The following PTPRN2 variants were observed in gnomAD, a reference collection of about 807,000 sequenced individuals.
PTPRN2 encodes protein tyrosine phosphatase receptor type N2.
Under a neutral mutation model 118.8 loss-of-function variants are expected in PTPRN2, and 74 were observed. That is an observed-to-expected ratio of 0.62 (90% CI 0.52 to 0.76). The LOEUF (loss-of-function observed/expected upper bound fraction) is 0.76, where lower values mean the gene tolerates loss of function less well. Ranked by LOEUF, PTPRN2 falls within the 30% of genes least tolerant of loss-of-function variation. The probability of loss-of-function intolerance (pLI) is 0.00; values close to 1 mark genes in which losing one functional copy is unlikely to be tolerated. For synonymous variants in PTPRN2, 641 were observed against 608.0 expected (o/e 1.05, Z -0.80); for missense variants, 1,481 against 1,394.4 (o/e 1.06, Z -0.99).
intron 10 of PTPRN2, among the ~76,000 whole-genome samples, chr7:158,105,694 C>G (rs1250182833): frequency 6.6e-6 from 1 of 152,108 alleles, no homozygotes; most frequent in Admixed American, 6.5e-5. Context: ...TCCATCCCAG[C>G]TCCACCTCAT....
At chr7:158,052,834 G>A (rs1258495099) in intron 11 of PTPRN2, among the ~76,000 whole-genome samples, 5 of 152,174 alleles carry the variant, frequency 3.3e-5, no homozygotes, top group Non-Finnish European at 7.4e-5. Flanking sequence ...CCAGCCACTC[G>A]GGGTCCACCA....
chr7:158,298,231 CTT>C (rs1209603576), intron 3 of PTPRN2, among the ~76,000 whole-genome samples: 6 of 151,992 alleles, frequency 3.9e-5, no homozygotes, highest in Non-Finnish European at 7.4e-5. Flanking sequence ...ATTTTCTGCT[CTT>C]GTCTTCATTA....
rs1018490069 is a variant in PTPRN2 at position 157,607,888 on chromosome 7, G to A, written c.2345-3813C>T. Reference sequence around the variant, plus strand: ...TGCCATGGGCACCTGAGCCCTGCTGGCAAGTGGACAATCCATGGGCTTCTT... The same window carrying A: ...TGCCATGGGCACCTGAGCCCTGCTGACAAGTGGACAATCCATGGGCTTCTT... On this transcript the variant is annotated intron_variant, in intron 15 of 22. Transcript: ENST00000389418. Among the ~76,000 whole-genome samples, 24 of 152,136 alleles carry A rather than the reference G, an allele frequency of 1.6e-4. 1 individual carries two copies.
intron 10 of PTPRN2, among the ~76,000 whole-genome samples, chr7:158,108,962 G>A (rs1242046518): frequency 6.6e-6 from 1 of 152,234 alleles, no homozygotes; most frequent in East Asian, 1.9e-4. Flanking sequence ...GAAGGAGCCA[G>A]TGAGTGAATG....
At chr7:158,271,896 G>C (rs1489725036) in intron 3 of PTPRN2, among the ~76,000 whole-genome samples, 1 of 149,662 alleles carries the variant, frequency 6.7e-6, no homozygotes. Context: ...CCTTGGGTGA[G>C]GATTTCCATG....
chr7:158,301,229 C>A (rs1800865143), intron 3 of PTPRN2, among the ~76,000 whole-genome samples: 1 of 152,286 alleles, frequency 6.6e-6, no homozygotes, highest in Non-Finnish European at 1.5e-5. Flanking sequence ...TTTGCACGGG[C>A]CGTGCAAATT....
In PTPRN2 at chr7:158,192,490, G is replaced by A. The variant is rs1825853801; in HGVS notation, c.386C>T (p.Ser129Leu). The A allele has an allele frequency of 6.3e-7, 1 of 1,581,018 alleles. No homozygotes were observed. Among genetic ancestry groups the A allele is most frequent in the East Asian group, 2.4e-5 (1 of 41,696 alleles). Residue 129 changes from serine to leucine, a missense_variant, in exon 5 of 23, where the codon TCA (serine) becomes TTA (leucine). Ser to Leu is a moderately radical substitution (Grantham distance 145). Coordinates refer to ENST00000389418, the MANE Select transcript of PTPRN2 (RefSeq NM_002847.5). ...CCTCTCGCTGCCAACGCTGTGTTTT[G>A]AGGGCCTGAAAAAGCAAAAGAAACC... ...RPEASSPARP[S>L]KHSVGSERRY...
chr7:158,081,230 G>GT, intron 11 of PTPRN2, 68 bp downstream of exon 11: 1 of 1,423,150 alleles, frequency 7.0e-7, no homozygotes. Context: ...GTGCATGTGC[G>GT]TGTTTGCGTG....
intron 10 of PTPRN2, among the ~76,000 whole-genome samples, chr7:158,088,089 A>G (rs866566308): frequency 2.6e-4 from 17 of 65,522 alleles, no homozygotes; most frequent in Non-Finnish European, 5.5e-4. Flanking sequence ...CCCTGATGAA[A>G]GAGGGAGTCT....
At chr7:158,423,666 T>C (rs949561640) in intron 2 of PTPRN2, among the ~76,000 whole-genome samples, 2 of 152,070 alleles carry the variant, frequency 1.3e-5, no homozygotes, top group Non-Finnish European at 2.9e-5. Context: ...CCTGAGTAGC[T>C]GAGATTACTA....
At chr7:158,340,411 C>G (rs867143268) in intron 2 of PTPRN2, among the ~76,000 whole-genome samples, 7 of 54,390 alleles carry the variant, frequency 1.3e-4, no homozygotes, top group Non-Finnish European at 2.1e-4. Flanking sequence ...CACCCGCAGA[C>G]GTCACTCACA....
chr7:157,573,684 C>A (rs1799871855), intron 19 of PTPRN2, among the ~76,000 whole-genome samples: 1 of 152,218 alleles, frequency 6.6e-6, no homozygotes, highest in Admixed American at 6.5e-5. Context: ...GCAGTAATAA[C>A]CCCCTTGGCT....
chr7:157,597,876 G>A lies in PTPRN2; in HGVS notation c.2419-2561C>T, dbSNP rs945692893. On this transcript the variant is annotated intron_variant, in intron 16 of 22. Coordinates refer to ENST00000389418, the MANE Select transcript of PTPRN2 (RefSeq NM_002847.5). ...GATCCGAGTGGTGACATGTGTCATC[G>A]GTTTCACAATAATTCAGGAGACAAT... is the stretch of plus-strand genomic sequence containing the variant. 5.3e-5 allele frequency among the ~76,000 whole-genome samples: 8 copies of A among 152,182 alleles called. No homozygotes were observed. The South Asian group carries it at 6.2e-4, about 12-fold the overall frequency.
At chr7:158,373,201 G>A (rs1021560909) in intron 2 of PTPRN2, among the ~76,000 whole-genome samples, 22 of 152,366 alleles carry the variant, frequency 1.4e-4, no homozygotes, top group East Asian at 5.8e-4. Context: ...TTCCTCTGAC[G>A]CCCGTACGCT....
intron 12 of PTPRN2, among the ~76,000 whole-genome samples, chr7:157,703,542 T>C (rs1328307522): frequency 6.6e-6 from 1 of 151,202 alleles, no homozygotes; most frequent in Non-Finnish European, 1.5e-5. Flanking sequence ...CGCTGTGCAG[T>C]GGAGGGTAAC....
intron 11 of PTPRN2, among the ~76,000 whole-genome samples, chr7:158,055,298 C>T (rs1247417540): frequency 6.6e-6 from 1 of 152,198 alleles, no homozygotes; most frequent in Non-Finnish European, 1.5e-5. Flanking sequence ...CACCAGAGGG[C>T]TCCTTGGTCT....
rs1222019008 is a variant in PTPRN2 at position 157,560,575 on chromosome 7, T to C, written c.2902+8327A>G. 1.3e-4 allele frequency among the ~76,000 whole-genome samples: 20 copies of C among 152,116 alleles called. No individual in the cohort carries two copies. The highest frequency in any genetic ancestry group is 1.3e-3 in the Admixed American group (20 of 15,282). The stretch of plus-strand genomic sequence containing the variant: ...ACACCTCACGCCCCACATCCCTCAC[T>C]GTTTCTCTTGCACCAGAATAGCTCA... On this transcript the variant is annotated intron_variant, in intron 21 of 22. Transcript: ENST00000389418. This position sits in a 1 kb window ranked among gnomAD's most constrained non-coding sequence, Gnocchi z 6.7.
At chr7:157,897,340 G>C (rs931301977) in intron 12 of PTPRN2, among the ~76,000 whole-genome samples, 3 of 152,056 alleles carry the variant, frequency 2.0e-5, no homozygotes, top group Non-Finnish European at 2.9e-5. Flanking sequence ...TGGCCCCTCC[G>C]CATCGGTCAC....
At chr7:158,141,448 T>C (rs1819381130) in intron 6 of PTPRN2, among the ~76,000 whole-genome samples, 1 of 152,156 alleles carries the variant, frequency 6.6e-6, no homozygotes, top group Non-Finnish European at 1.5e-5. Context: ...GTTCACTGCA[T>C]ACGCAGGACA....
Sources: gnomAD v4.1 joint callset for allele counts (sites outside exome capture counted in the v4.1 genomes callset) on GRCh38, gnomAD v4.1.1 for gene constraint, Gnocchi (gnomAD v3.1) non-coding constraint, MANE v1.5 for transcripts, NCBI Gene and HGNC (gene_info 2026-07-23, HGNC 2026-07-21) for gene names.